The following LIN28A variants were observed in gnomAD, a reference collection of about 807,000 sequenced individuals.
The protein encoded by LIN28A is lin-28 RNA binding posttranscriptional regulator A, also known as protein lin-28 homolog A.
Under a neutral mutation model 21.1 loss-of-function variants are expected in LIN28A, and 11 were observed. The observed-to-expected ratio is 0.52, with a 90% CI of 0.33 to 0.86. LIN28A has a LOEUF of 0.86. Ranked by LOEUF, LIN28A falls within the 40% of genes least tolerant of loss-of-function variation. The pLI, the probability that LIN28A is intolerant of heterozygous loss-of-function variation, is 0.03. For missense variants in LIN28A, 219 were observed against 279.8 expected, an observed-to-expected ratio of 0.78 and a Z score of 1.55; for synonymous variants, 111 against 108.7, an observed-to-expected ratio of 1.02 and a Z score of -0.13.
intron 2 of LIN28A, among the ~76,000 whole-genome samples, chr1:26,413,483 T>A (rs534553608): frequency 6.6e-6 from 1 of 152,074 alleles, no homozygotes; most frequent in African/African-American, 2.4e-5. Context: ...AGAGCAGGCA[T>A]TGAGTCTACA....
In LIN28A at chr1:26,425,397, G is replaced by A. The variant is rs771973442; in HGVS notation, c.323G>A (p.Arg108His). Residue 108 changes from arginine (R) to histidine (H), a missense_variant, in exon 3 of 4, where the codon CGT becomes CAT. Physicochemically the swap from Arg to His is conservative, Grantham distance 29 (BLOSUM62 0). Coordinates refer to ENST00000326279, the MANE Select transcript of LIN28A (RefSeq NM_024674.6). ...KKSAKGLESI[R>H]VTGPGGVFCI... ...TCAGCCAAGGGTCTGGAATCCATCC[G>A]TGTCACCGGACCTGGTGGAGTATTC... is the stretch of plus-strand genomic sequence containing the variant. The A allele has an allele frequency of 1.4e-5, 22 of 1,614,196 alleles. No homozygotes were observed. In the East Asian group the frequency reaches 1.6e-4, roughly 11 times the overall value.
chr1:26,425,562 A>G lies in LIN28A; in HGVS notation c.413+75A>G, dbSNP rs543589580. ...TCCCAATCCTGTCACTTTTTGGGTC[A>G]CACTGCAAAAGACAAAGGGAAGCCT... is the stretch of plus-strand genomic sequence containing the variant. On this transcript the variant is annotated intron_variant, in intron 3 of 3. Transcript: ENST00000326279. The G allele has an allele frequency of 2.2e-6, 3 of 1,390,914 alleles. No individual in the cohort carries two copies. The South Asian group carries it at 3.9e-5, about 18-fold the overall frequency. 86.2% of individuals were successfully genotyped at this position (1,390,914 alleles called of 1,614,324 possible).
intron 3 of LIN28A, among the ~76,000 whole-genome samples, chr1:26,425,726 T>C (rs2075054902): frequency 6.6e-6 from 1 of 152,128 alleles, no homozygotes; most frequent in South Asian, 2.1e-4. Flanking sequence ...CCTCAATTGT[T>C]AAGTGAGGCA....
At chr1:26,425,515 G>A (rs764841646) in intron 3 of LIN28A, 28 bp downstream of exon 3, 19 of 1,599,214 alleles carry the variant, frequency 1.2e-5, no homozygotes, top group Non-Finnish European at 1.5e-5. Flanking sequence ...GCTTATATAG[G>A]TTGCTAAGGG....
rs1412358829 is a variant in LIN28A, at chr1:26,411,391, T to C, written c.37T>C (p.Cys13Arg). 1 of 1,592,820 alleles carries C rather than the reference T, an allele frequency of 6.3e-7. No homozygotes were observed. Residue 13 changes from cysteine to arginine, a missense_variant, in exon 2 of 4, where the codon TGC (cysteine) becomes CGC (arginine). By Grantham distance (180) the Cys-to-Arg change is radical (BLOSUM62 -3). Around this residue, in one of 3 missense-constraint regions of LIN28A, gnomAD observed 50 missense variants for 49.0 expected, o/e 1.02. Coordinates refer to ENST00000326279, the MANE Select transcript of LIN28A (RefSeq NM_024674.6). The surrounding 1 kb of genome is among the most constrained non-coding windows in gnomAD (Gnocchi z 5.4). The part of the protein sequence containing the change: ...SVSNQQFAGG[C>R]AKAAEEAPEE... Reference sequence around the variant, plus strand: ...CCGGCCCTCCCTCTCTCCAGGTGGCTGCGCCAAGGCGGCAGAAGAGGCGCC... The same window carrying C: ...CCGGCCCTCCCTCTCTCCAGGTGGCCGCGCCAAGGCGGCAGAAGAGGCGCC...
intron 2 of LIN28A, among the ~76,000 whole-genome samples, chr1:26,424,408 AT>A (rs1437887176): frequency 6.7e-6 from 1 of 150,312 alleles, no homozygotes; most frequent in Non-Finnish European, 1.5e-5. Context: ...CACCCGGCTA[AT>A]TTTTGTATTT....
chr1:26,420,872 C>G (rs1466971772), intron 2 of LIN28A, among the ~76,000 whole-genome samples: 3 of 152,078 alleles, frequency 2.0e-5, no homozygotes, highest in Non-Finnish European at 4.4e-5. Flanking sequence ...GAAGTCTATT[C>G]TGGGTAGGGT....
intron 2 of LIN28A, among the ~76,000 whole-genome samples, chr1:26,421,163 T>G (rs1386571050): frequency 1.3e-5 from 2 of 152,040 alleles, no homozygotes; most frequent in Non-Finnish European, 2.9e-5. Context: ...TTTTGTTTTT[T>G]CTTTTAACAA....
At position 26,411,459 on chromosome 1, in the gene LIN28A, TC is replaced by T; in HGVS notation, c.106del (p.Gln36SerfsTer23). On this transcript the variant is annotated frameshift_variant, in exon 2 of 4. Transcript: ENST00000326279. LOFTEE classifies it high-confidence loss of function. This position sits in a 1 kb window ranked among gnomAD's most constrained non-coding sequence, Gnocchi z 5.4. Reference sequence around the variant, plus strand: ...ACGCGGCCCGGGCGGCGGACGAGCCTCAGCTGCTGCACGGTGCGGGCATCTG... The same window carrying T: ...ACGCGGCCCGGGCGGCGGACGAGCCTAGCTGCTGCACGGTGCGGGCATCTG... ...EDAARAADEP[Q>X]LLHGAGICKW... 6.2e-7 allele frequency: 1 copy of T among 1,612,940 alleles called. No individual in the cohort carries two copies.
rs2075075495 is a variant in LIN28A, at chr1:26,428,751, T to A, written c.*2293T>A. ...CGGGGTTTCACCATGTTGTCCAGGC[T>A]GGTCTGGAACTCCTGACCTCAGGTG... On this transcript the variant is annotated 3_prime_UTR_variant, in exon 4 of 4. Transcript: ENST00000326279. 6.6e-6 allele frequency: 1 copy of A among 150,472 alleles called. No homozygotes were observed. The highest frequency in any genetic ancestry group is 1.5e-5 in the Non-Finnish European group (1 of 67,754). The allele number at this position is 150,472 out of a possible 1,614,324, so 9.3% of individuals were successfully genotyped here.
rs1220004127 is a variant in LIN28A, at chr1:26,428,923, T to G, written c.*2465T>G. On this transcript the variant is annotated 3_prime_UTR_variant, in exon 4 of 4. Transcript: ENST00000326279. ...GGCTCACACCTGTAATCCCAGCACT[T>G]TGGAAGGCTGAGGCGGGCGGATCAC... The G allele has an allele frequency of 1.3e-5, 2 of 152,332 alleles. No homozygotes were observed. Among genetic ancestry groups the G allele is most frequent in the Non-Finnish European group, 2.9e-5 (2 of 68,232 alleles). The allele number at this position is 152,332 out of a possible 1,614,324, so 9.4% of individuals were successfully genotyped here. A position where few individuals can be genotyped will look rare whatever the true frequency, so the allele number is the denominator to read the frequency against.
In LIN28A at chr1:26,426,343, C is replaced by T. The variant is rs2075059325; in HGVS notation, c.515C>T (p.Ala172Val). The change falls in exon 4 of 4, where the codon GCC becomes GTC. Residue 172 changes from alanine to valine, a missense_variant. By Grantham distance (64) the Ala-to-Val change is moderately conservative (BLOSUM62 0). Coordinates refer to ENST00000326279, the MANE Select transcript of LIN28A (RefSeq NM_024674.6). ...HFCQSISHMV[A>V]SCPLKAQQGP... ...TGCCAGAGCATCAGCCATATGGTAG[C>T]CTCATGTCCGCTGAAGGCCCAGCAG... is the stretch of plus-strand genomic sequence containing the variant. 1.2e-6 allele frequency: 2 copies of T among 1,614,062 alleles called. No homozygotes were observed. The highest frequency in any genetic ancestry group is 1.3e-5 in the African/African-American group (1 of 74,936).
intron 2 of LIN28A, among the ~76,000 whole-genome samples, chr1:26,416,551 G>A (rs891918678): frequency 2.0e-5 from 3 of 152,108 alleles, no homozygotes; most frequent in Non-Finnish European, 4.4e-5. Context: ...AGTCAGAGTG[G>A]GAGGTCAAAG....
chr1:26,419,401 A>AG (rs2075015993), intron 2 of LIN28A, among the ~76,000 whole-genome samples: 1 of 152,172 alleles, frequency 6.6e-6, no homozygotes, highest in South Asian at 2.1e-4. Context: ...TGAGAGGACT[A>AG]GTCAATTTCT....
rs1320159748 is a variant in LIN28A at position 26,425,425 on chromosome 1, T to C, written c.351T>C (p.Cys117=). 2 of 1,614,006 alleles carry C rather than the reference T, an allele frequency of 1.2e-6. No homozygotes were observed. The highest frequency in any genetic ancestry group is 1.6e-4 in the Middle Eastern group (1 of 6,062). ...IRVTGPGGVF[C]IGSERRPKGK... is the part of the protein sequence containing the mutation. ...TCACCGGACCTGGTGGAGTATTCTG[T>C]ATTGGGAGTGAGAGGCGGCCAAAAG... Residue 117 remains cysteine, a synonymous_variant, in exon 3 of 4, where the codon TGT becomes TGC. Coordinates refer to ENST00000326279, the MANE Select transcript of LIN28A (RefSeq NM_024674.6).
intron 2 of LIN28A, among the ~76,000 whole-genome samples, chr1:26,417,110 C>A (rs545952523): frequency 6.6e-6 from 1 of 152,296 alleles, no homozygotes; most frequent in Admixed American, 6.5e-5. Flanking sequence ...TAAATCTACC[C>A]GAACACTTGA....
intron 2 of LIN28A, among the ~76,000 whole-genome samples, chr1:26,417,922 C>T (rs991489256): frequency 4.9e-4 from 75 of 152,078 alleles, no homozygotes; most frequent in Non-Finnish European, 6.6e-4. Context: ...AGAACCCCAG[C>T]TTTAATCTGC....
intron 2 of LIN28A, among the ~76,000 whole-genome samples, chr1:26,418,627 G>A (rs2075011342): frequency 6.6e-6 from 1 of 152,002 alleles, no homozygotes; most frequent in African/African-American, 2.4e-5. Flanking sequence ...GCTCCCCACA[G>A]TCCTAACTTG....
At chr1:26,424,484 C>G (rs2075046316) in intron 2 of LIN28A, among the ~76,000 whole-genome samples, 1 of 152,084 alleles carries the variant, frequency 6.6e-6, no homozygotes, top group Non-Finnish European at 1.5e-5. Flanking sequence ...TCGTGATCCA[C>G]CTGCTTCAGC....
Sources: gnomAD v4.1 joint callset for allele counts (sites outside exome capture counted in the v4.1 genomes callset) on GRCh38, gnomAD v4.1.1 for gene constraint, gnomAD v4.1.1 regional missense constraint, Gnocchi (gnomAD v3.1) non-coding constraint, MANE v1.5 for transcripts, NCBI Gene and HGNC (gene_info 2026-07-23, HGNC 2026-07-21) for gene names.